SEMA5A: variants seen among roughly 807,000 people sequenced by gnomAD.
SEMA5A encodes the protein semaphorin-5A.
Under a neutral mutation model 135.5 loss-of-function variants are expected in SEMA5A, and 55 were observed. The observed-to-expected ratio is 0.41, with a 90% CI of 0.33 to 0.51. The LOEUF is 0.51. Among genes scored for constraint, SEMA5A ranks in the 20% least tolerant of loss-of-function variants. The probability of loss-of-function intolerance (pLI) is 0.37; values close to 1 mark genes in which losing one functional copy is unlikely to be tolerated. For synonymous variants in SEMA5A, 580 were observed against 546.5 expected (o/e 1.06, Z -0.85); for missense variants, 1,290 against 1,419.9 (o/e 0.91, Z 1.47).
At chr5:9,085,142 C>T (rs185046367) in intron 16 of SEMA5A, among the ~76,000 whole-genome samples, 16 of 152,164 alleles carry the variant, frequency 1.1e-4, no homozygotes, top group Admixed American at 5.2e-4. Context: ...AAAAGCATTC[C>T]GTTTTATAAG....
In SEMA5A at chr5:9,461,498, A is replaced by G. The variant is rs969535657; in HGVS notation, c.-174-23646T>C. Among the ~76,000 whole-genome samples the G allele has an allele frequency of 2.6e-5, 4 of 152,344 alleles. No individual in the cohort carries two copies. The East Asian group carries it at 7.7e-4, about 29-fold the overall frequency. On this transcript the variant is annotated intron_variant, in intron 1 of 22. Transcript: ENST00000382496. ...ACTGAAAAATCAATTATTGGCTGCCAAGTACTGGTTGACCTGACAATAGAA... is the reference window on the plus strand; with the variant it reads ...ACTGAAAAATCAATTATTGGCTGCCGAGTACTGGTTGACCTGACAATAGAA...
At chr5:9,187,218 AT>A (rs199648429) in intron 11 of SEMA5A, among the ~76,000 whole-genome samples, 4,573 of 152,196 alleles carry the variant, frequency 0.03, 172 homozygotes, top group African/African-American at 0.091. Flanking sequence ...TTAAAAAAAA[AT>A]ATCCCTTAAA....
At chr5:9,456,451 A>T (rs1758838085) in intron 1 of SEMA5A, among the ~76,000 whole-genome samples, 1 of 146,930 alleles carries the variant, frequency 6.8e-6, no homozygotes, top group African/African-American at 2.6e-5. Flanking sequence ...AGGGATTTCA[A>T]GGAGAAAACA....
At chr5:9,280,157 A>G (rs1397090667) in intron 5 of SEMA5A, among the ~76,000 whole-genome samples, 1 of 152,180 alleles carries the variant, frequency 6.6e-6, no homozygotes, top group Non-Finnish European at 1.5e-5. Context: ...ATCTAATACC[A>G]GGGCTTTGTA....
intron 12 of SEMA5A, among the ~76,000 whole-genome samples, chr5:9,144,011 T>C (rs1742199082): frequency 2.0e-5 from 3 of 152,160 alleles, no homozygotes; most frequent in African/African-American, 4.8e-5. Flanking sequence ...GGTTCCACGA[T>C]GTGGAAGTAA....
intron 5 of SEMA5A, among the ~76,000 whole-genome samples, chr5:9,248,556 CAAAAA>C (rs57718636): frequency 1.4e-5 from 2 of 143,944 alleles, no homozygotes; most frequent in Non-Finnish European, 3.0e-5. Context: ...ACTCATACGG[CAAAAA>C]AAAAAAAGAA....
chr5:9,317,293 T>C (rs1398626439), intron 5 of SEMA5A, among the ~76,000 whole-genome samples: 2 of 152,162 alleles, frequency 1.3e-5, no homozygotes, highest in Admixed American at 6.6e-5. Flanking sequence ...AAATTCTTGA[T>C]AAATTGCAAT....
chr5:9,357,715 C>T lies in SEMA5A; in HGVS notation c.125-19903G>A, dbSNP rs773460810. Among the ~76,000 whole-genome samples the T allele has an allele frequency of 1.6e-4, 24 of 152,104 alleles. 1 individual carries two copies. The highest frequency in any genetic ancestry group is 2.4e-4 in the Non-Finnish European group (16 of 68,024). On this transcript the variant is annotated intron_variant, in intron 3 of 22. Transcript: ENST00000382496. Reference sequence around the variant, plus strand: ...TAAACTTTACCTGGTAACATCAAGGCGGGAAGCCCCAGGTGAGGCACCTCT... The same window carrying T: ...TAAACTTTACCTGGTAACATCAAGGTGGGAAGCCCCAGGTGAGGCACCTCT...
At chr5:9,083,317 T>C (rs1738492022) in intron 16 of SEMA5A, among the ~76,000 whole-genome samples, 1 of 152,218 alleles carries the variant, frequency 6.6e-6, no homozygotes, top group African/African-American at 2.4e-5. Flanking sequence ...TTTGTTCTTT[T>C]ATTGGCCAAT....
At chr5:9,224,595 T>C (rs1227196430) in intron 8 of SEMA5A, 79 bp downstream of exon 8, 1 of 1,231,092 alleles carries the variant, frequency 8.1e-7, no homozygotes, top group African/African-American at 1.5e-5. Flanking sequence ...TTTAGAGTGT[T>C]GTAGTTTGCT....
At chr5:9,335,025 C>T (rs1470030778) in intron 4 of SEMA5A, among the ~76,000 whole-genome samples, 1 of 152,038 alleles carries the variant, frequency 6.6e-6, no homozygotes, top group African/African-American at 2.4e-5. Context: ...TATTGAATTG[C>T]AGATTCCAGG....
In SEMA5A at chr5:9,169,932, A is replaced by G. The variant is rs559874343; in HGVS notation, c.1274-15237T>C. Among the ~76,000 whole-genome samples the G allele has an allele frequency of 4.6e-5, 7 of 152,360 alleles. No individual in the cohort carries two copies. The East Asian group carries it at 1.3e-3, about 29-fold the overall frequency. On this transcript the variant is annotated intron_variant, in intron 11 of 22. Coordinates refer to ENST00000382496, the MANE Select transcript of SEMA5A (RefSeq NM_003966.3). ...TGGCTTAGCTGCTCTTGCTACAAAA[A>G]TATCAACTTCCAAAGGTTTTCTGAT...
At chr5:9,219,337 G>C (rs1746804401) in intron 8 of SEMA5A, among the ~76,000 whole-genome samples, 1 of 152,170 alleles carries the variant, frequency 6.6e-6, no homozygotes, top group Non-Finnish European at 1.5e-5. Context: ...TGGAAAGAGA[G>C]GGAAGGAGTT....
chr5:9,263,691 C>G (rs954579516), intron 5 of SEMA5A, among the ~76,000 whole-genome samples: 1 of 152,152 alleles, frequency 6.6e-6, no homozygotes, highest in Non-Finnish European at 1.5e-5. Flanking sequence ...GGTTTTCATG[C>G]CTGTGATTAA....
intron 1 of SEMA5A, among the ~76,000 whole-genome samples, chr5:9,470,491 G>C (rs1759436822): frequency 6.6e-6 from 1 of 152,132 alleles, no homozygotes. Flanking sequence ...CAAAGGTAAG[G>C]GTAACAATGT....
At chr5:9,181,986 T>C (rs72643794) in intron 11 of SEMA5A, among the ~76,000 whole-genome samples, 15,323 of 151,866 alleles carry the variant, frequency 0.1, 1,289 homozygotes, top group African/African-American at 0.2. Context: ...TGCACCCCAA[T>C]TTTCCATGAA....
chr5:9,330,416 G>GT (rs11386960), intron 4 of SEMA5A, among the ~76,000 whole-genome samples: 22,107 of 149,054 alleles, frequency 0.15, 4,595 homozygotes, highest in African/African-American at 0.46. Context: ...GTACAGATTA[G>GT]TTTTTTTTGT....
chr5:9,099,575 T>A (rs1739511291), intron 16 of SEMA5A, among the ~76,000 whole-genome samples: 1 of 152,154 alleles, frequency 6.6e-6, no homozygotes, highest in Admixed American at 6.5e-5. Flanking sequence ...TGGAAATGGG[T>A]CACTTGAAAA....
intron 14 of SEMA5A, among the ~76,000 whole-genome samples, chr5:9,120,754 T>C (rs1441579958): frequency 2.0e-5 from 3 of 151,882 alleles, no homozygotes; most frequent in Non-Finnish European, 4.4e-5. Flanking sequence ...AAACTCTTCA[T>C]TTTTTAAATC....
Sources: gnomAD v4.1 joint callset for allele counts (sites outside exome capture counted in the v4.1 genomes callset) on GRCh38, gnomAD v4.1.1 for gene constraint, MANE v1.5 for transcripts, NCBI Gene and HGNC (gene_info 2026-07-23, HGNC 2026-07-21) for gene names.